Variants in NBAS observed in about 807,000 individuals in gnomAD.
The protein encoded by NBAS is NAG/BC035112 fusion.
NBAS carries 219 observed loss-of-function variants against 302.5 expected under a neutral mutation model. The observed-to-expected ratio is 0.72, with a 90% CI of 0.65 to 0.81. The LOEUF (loss-of-function observed/expected upper bound fraction) is 0.81, where lower values mean the gene tolerates loss of function less well. Among genes scored for constraint, NBAS ranks in the 30% least tolerant of loss-of-function variants. The pLI is 0.00. For synonymous variants in NBAS, 1,118 were observed against 1,021.6 expected (o/e 1.09, Z -1.80); for missense variants, 2,932 against 2,841.6 (o/e 1.03, Z -0.72).
At chr2:15,457,458 A>G (rs567833184) in intron 21 of NBAS, among the ~76,000 whole-genome samples, 1 of 152,214 alleles carries the variant, frequency 6.6e-6, no homozygotes, top group Non-Finnish European at 1.5e-5. Context: ...AGTTTTCAGC[A>G]TTGCTATTGA....
At chr2:15,476,145 A>G (rs944169982) in intron 13 of NBAS, among the ~76,000 whole-genome samples, 2 of 152,120 alleles carry the variant, frequency 1.3e-5, no homozygotes, top group African/African-American at 4.8e-5. Flanking sequence ...AGGCAAATAA[A>G]CTGAGGTCTT....
rs7565647 is a variant in NBAS at position 15,384,543 on chromosome 2, G to T, written c.3258-1226C>A. The stretch of plus-strand genomic sequence containing the variant: ...GAAAAGACCCCCCCCCCATTTTTCT[G>T]GTAAACATTCAACAAATGTGAATGA... On this transcript the variant is annotated intron_variant, in intron 28 of 51. Transcript: ENST00000281513. Among the ~76,000 whole-genome samples, 696 of 148,346 alleles carry T rather than the reference G, an allele frequency of 4.7e-3. 8 individuals carry two copies. The highest frequency in any genetic ancestry group is 0.017 in the African/African-American group (668 of 39,624).
At chr2:15,337,975 C>T (rs751309807) in intron 35 of NBAS, among the ~76,000 whole-genome samples, 10 of 152,084 alleles carry the variant, frequency 6.6e-5, no homozygotes, top group Non-Finnish European at 1.5e-4. Flanking sequence ...TCATTGGTTC[C>T]CAGCATAAAA....
At chr2:15,163,924 G>A (rs1254810836), downstream of NBAS, among the ~76,000 whole-genome samples, 1 of 152,014 alleles carries the variant, frequency 6.6e-6, no homozygotes, top group East Asian at 1.9e-4. Flanking sequence ...AGCCTCCCGA[G>A]TAGCTGGGAT....
intron 51 of NBAS, among the ~76,000 whole-genome samples, chr2:15,170,066 AC>A (rs1446499425): frequency 3.3e-5 from 5 of 152,230 alleles, no homozygotes; most frequent in African/African-American, 9.6e-5. Context: ...TGCCCTGAAT[AC>A]GTCTTCTAGG....
At chr2:15,118,249 G>C in the NBAS span, among the ~76,000 whole-genome samples, 2 of 152,066 alleles carry the variant, frequency 1.3e-5, no homozygotes, top group African/African-American at 2.4e-5. Flanking sequence ...CATCAATCAG[G>C]GATTTCAGGG....
chr2:15,487,541 A>G (rs1194222744), intron 12 of NBAS, among the ~76,000 whole-genome samples: 3 of 152,202 alleles, frequency 2.0e-5, no homozygotes, highest in Non-Finnish European at 4.4e-5. Flanking sequence ...GAGTGGACCC[A>G]TGCAGTTCAA....
chr2:15,329,912 T>C (rs1174200945), intron 36 of NBAS, among the ~76,000 whole-genome samples: 1 of 152,230 alleles, frequency 6.6e-6, no homozygotes, highest in Non-Finnish European at 1.5e-5. Flanking sequence ...TACATTATTA[T>C]ACAAATATGT....
chr2:15,165,940 G>A (rs1664008807), downstream of NBAS, among the ~76,000 whole-genome samples: 1 of 152,202 alleles, frequency 6.6e-6, no homozygotes, highest in African/African-American at 2.4e-5. Flanking sequence ...TAAAAGACCA[G>A]CACGCCTTAG....
intron 42 of NBAS, among the ~76,000 whole-genome samples, chr2:15,286,724 A>C (rs928082106): frequency 6.6e-6 from 1 of 152,228 alleles, no homozygotes; most frequent in African/African-American, 2.4e-5. Context: ...AGTACTTATC[A>C]GTTTTAATTT....
chr2:15,432,723 A>C (rs537070892), intron 21 of NBAS, among the ~76,000 whole-genome samples: 7 of 152,194 alleles, frequency 4.6e-5, no homozygotes, highest in Non-Finnish European at 8.8e-5. Context: ...AAGAATAAAA[A>C]TAATAATACT....
At chr2:14,788,408 A>G in the NBAS span, among the ~76,000 whole-genome samples, 2 of 152,040 alleles carry the variant, frequency 1.3e-5, no homozygotes, top group South Asian at 4.2e-4. Flanking sequence ...TGCTTTTTAG[A>G]GTTTCCAGTT....
the NBAS span, among the ~76,000 whole-genome samples, chr2:14,931,430 A>G: frequency 1.3e-5 from 2 of 152,214 alleles, no homozygotes; most frequent in Non-Finnish European, 2.9e-5. Flanking sequence ...ACAAACCCGT[A>G]GGCCTAAAAA....
At chr2:14,890,238 A>G in the NBAS span, among the ~76,000 whole-genome samples, 5 of 152,188 alleles carry the variant, frequency 3.3e-5, no homozygotes, top group African/African-American at 1.2e-4. Context: ...TGTTCTCTGC[A>G]GCTCAAAGAT....
intron 9 of NBAS, among the ~76,000 whole-genome samples, chr2:15,526,977 G>A (rs1256236744): frequency 2.0e-5 from 3 of 151,586 alleles, no homozygotes; most frequent in Admixed American, 6.6e-5. Context: ...CAGGAAAAAA[G>A]AAATCAAATA....
At chr2:15,551,377 A>G (rs1664376554) in intron 6 of NBAS, 116 bp downstream of exon 6, 2 of 627,054 alleles carry the variant, frequency 3.2e-6, no homozygotes, top group Non-Finnish European at 5.3e-6. Flanking sequence ...AATTATTTTA[A>G]TAGTCATGAT....
At chr2:15,489,992 C>A (rs543545648) in intron 11 of NBAS, among the ~76,000 whole-genome samples, 2 of 152,314 alleles carry the variant, frequency 1.3e-5, no homozygotes, top group East Asian at 3.9e-4. Flanking sequence ...ACACAGCCCA[C>A]ATCCCCAGAT....
Position 15,234,708 on chromosome 2 carries a change from G to A in NBAS, c.5983C>T (p.Arg1995Ter), listed in dbSNP as rs767134813. Residue 1995 changes from arginine to a stop codon, truncating the protein, a stop_gained, in exon 46 of 52, where the codon CGA (arginine) becomes TGA (stop). Transcript: ENST00000281513. LOFTEE classifies it high-confidence loss of function. Reference sequence around the variant, plus strand: ...TCATGAAGTTTCTCTTTTTCTGATCGGGACAGATCATAGAGGTGACTGTAT... The same window carrying A: ...TCATGAAGTTTCTCTTTTTCTGATCAGGACAGATCATAGAGGTGACTGTAT... ...QKYSHLYDLSRSEKEKLHDEA... is the reference protein window; with the variant it reads ...QKYSHLYDLS The A allele has an allele frequency of 8.1e-6, 13 of 1,613,950 alleles. No individual in the cohort carries two copies. Among genetic ancestry groups the A allele is most frequent in the Admixed American group, 1.7e-5 (1 of 59,998 alleles).
At chr2:15,480,892 C>T (rs1315338474) in intron 12 of NBAS, among the ~76,000 whole-genome samples, 1 of 152,062 alleles carries the variant, frequency 6.6e-6, no homozygotes, top group African/African-American at 2.4e-5. Context: ...GTGCATTTAC[C>T]ATGTTGTGTG....
Sources: allele counts gnomAD v4.1 joint callset (sites outside exome capture counted in the v4.1 genomes callset), GRCh38; gene constraint gnomAD v4.1.1; transcripts MANE v1.5; gene names NCBI Gene and HGNC (gene_info 2026-07-23, HGNC 2026-07-21).